The following KDM5A variants were observed in gnomAD, a reference collection of about 807,000 sequenced individuals.
KDM5A encodes the protein lysine-specific demethylase 5A.
Under a neutral mutation model 193.5 loss-of-function variants are expected in KDM5A, and 42 were observed. That is an observed-to-expected ratio of 0.22 (90% CI 0.17 to 0.28). The LOEUF is 0.28. Ranked by LOEUF, KDM5A falls within the 10% of genes least tolerant of loss-of-function variation. The probability of loss-of-function intolerance (pLI) is 1.00; values close to 1 mark genes in which losing one functional copy is unlikely to be tolerated. For missense variants in KDM5A, 1,692 were observed against 2,055.1 expected, an observed-to-expected ratio of 0.82 and a Z score of 3.42; for synonymous variants, 796 against 718.1, an observed-to-expected ratio of 1.11 and a Z score of -1.73.
intron 24 of KDM5A, among the ~76,000 whole-genome samples, chr12:297,769 G>GT (rs1250870591): frequency 6.6e-6 from 1 of 152,120 alleles, no homozygotes; most frequent in Non-Finnish European, 1.5e-5. Flanking sequence ...AAAAAAACTT[G>GT]TAACTTTTAG....
At chr12:296,591 T>C (rs1447871317) in intron 25 of KDM5A, among the ~76,000 whole-genome samples, 1 of 152,178 alleles carries the variant, frequency 6.6e-6, no homozygotes, top group African/African-American at 2.4e-5. Flanking sequence ...TAAAGTAATG[T>C]GACTTGTTTT....
chr12:317,055 G>A (rs530057064), intron 19 of KDM5A, among the ~76,000 whole-genome samples: 4 of 152,070 alleles, frequency 2.6e-5, no homozygotes, highest in Admixed American at 6.6e-5. Context: ...AAGGACCACC[G>A]TTAATTATCA....
chr12:375,230 G>A (rs1043734581), intron 3 of KDM5A, among the ~76,000 whole-genome samples: 1 of 152,022 alleles, frequency 6.6e-6, no homozygotes. Context: ...ACACAGACTT[G>A]GTCTTTTCAC....
chr12:308,789 G>C (rs1189859836), intron 22 of KDM5A, among the ~76,000 whole-genome samples: 1 of 152,144 alleles, frequency 6.6e-6, no homozygotes. Context: ...ATCATTTGTA[G>C]GCAGAAAGAG....
intron 24 of KDM5A, among the ~76,000 whole-genome samples, chr12:304,965 T>A (rs1231659448): frequency 6.6e-6 from 1 of 152,120 alleles, no homozygotes; most frequent in East Asian, 1.9e-4. Context: ...TCTTTTCAGC[T>A]GCTCTTAGTC....
intron 10 of KDM5A, among the ~76,000 whole-genome samples, chr12:345,312 T>G (rs2137440885): frequency 6.6e-6 from 1 of 152,148 alleles, no homozygotes; most frequent in Non-Finnish European, 1.5e-5. Context: ...TCCCACACAA[T>G]GATAATGGGA....
rs372595289 is a variant in KDM5A at position 307,491 on chromosome 12, G to A, written c.3893C>T (p.Ala1298Val). Residue 1298 changes from alanine to valine, a missense_variant, in exon 23 of 28, where the codon GCA (alanine) becomes GTA (valine). By Grantham distance (64) the Ala-to-Val change is moderately conservative. This residue lies in a region of KDM5A where 965 missense variants were observed against 1,061.0 expected (regional missense o/e 0.91). Transcript: ENST00000399788. This position sits in a 1 kb window ranked among gnomAD's most constrained non-coding sequence, Gnocchi z 4.3. ...ATTGGCAGCTGCTTTTTGGAGTTCT[G>A]CACTGATGATCTTTTCAGTTTTTTC... ...AREKTEKIIS[A>V]ELQKAAANPD... 2.1e-5 allele frequency: 34 copies of A among 1,613,418 alleles called. No homozygotes were observed. Among genetic ancestry groups the A allele is most frequent in the Non-Finnish European group, 2.8e-5 (33 of 1,180,026 alleles).
intron 10 of KDM5A, among the ~76,000 whole-genome samples, chr12:349,795 T>A (rs1944129513): frequency 6.6e-6 from 1 of 151,814 alleles, no homozygotes; most frequent in East Asian, 1.9e-4. Flanking sequence ...AGTTCTGGGA[T>A]TACAGGTGTG....
At chr12:311,216 A>G (rs1419697117) in intron 20 of KDM5A, 152 bp from the exon 21 acceptor site, 2 of 701,834 alleles carry the variant, frequency 2.8e-6, no homozygotes, top group East Asian at 2.7e-5. Flanking sequence ...ATAACTTCCA[A>G]TGTCCTATTT....
At chr12:302,203 C>CCG (rs1311645052) in intron 24 of KDM5A, among the ~76,000 whole-genome samples, 1 of 152,174 alleles carries the variant, frequency 6.6e-6, no homozygotes, top group African/African-American at 2.4e-5. Flanking sequence ...AAAAAAGAGC[C>CCG]CGCATTGCCA....
At chr12:368,218 T>G (rs1051819148) in intron 3 of KDM5A, among the ~76,000 whole-genome samples, 3 of 152,152 alleles carry the variant, frequency 2.0e-5, no homozygotes, top group African/African-American at 7.2e-5. Flanking sequence ...AGCAAATTCA[T>G]AGAGACAGAA....
At chr12:356,077 C>T (rs1187328172) in intron 6 of KDM5A, among the ~76,000 whole-genome samples, 1 of 152,108 alleles carries the variant, frequency 6.6e-6, no homozygotes, top group African/African-American at 2.4e-5. Context: ...CTAAACTTCT[C>T]CCAGTGTATG....
chr12:296,290 C>T (rs1429955230), intron 25 of KDM5A, among the ~76,000 whole-genome samples: 1 of 150,650 alleles, frequency 6.6e-6, no homozygotes, highest in African/African-American at 2.4e-5. Flanking sequence ...CCATTGCACT[C>T]CAGCCTGGGC....
rs1390256045 is a variant in KDM5A, at chr12:297,172, C to T, written c.4103G>A (p.Ser1368Asn). 4 of 1,613,918 alleles carry T rather than the reference C, an allele frequency of 2.5e-6. No individual in the cohort carries two copies. The African/African-American group carries it at 5.3e-5, about 22-fold the overall frequency. Residue 1368 changes from serine (S) to asparagine (N), a missense_variant, in exon 25 of 28, where the codon AGT becomes AAT. Coordinates refer to ENST00000399788, the MANE Select transcript of KDM5A (RefSeq NM_001042603.3). ...ATCACAAAAAAGATTGGGTTCAAGA[C>T]TACTAGAGGACTTCACACTGGCTGT... ...KDTASVKSSS[S>N]LEPNLFCDEE...
At chr12:386,979 A>G (rs1004309219) in intron 1 of KDM5A, among the ~76,000 whole-genome samples, 5 of 152,162 alleles carry the variant, frequency 3.3e-5, no homozygotes, top group African/African-American at 9.7e-5. Context: ...TTAAGAACTT[A>G]TTTATTTAAA....
intron 10 of KDM5A, among the ~76,000 whole-genome samples, chr12:344,951 A>T (rs1262884845): frequency 6.6e-6 from 1 of 152,270 alleles, no homozygotes; most frequent in Non-Finnish European, 1.5e-5. Context: ...TAAATGCCCC[A>T]ATTAAAAGAC....
intron 24 of KDM5A, among the ~76,000 whole-genome samples, chr12:298,454 G>C (rs1190495002): frequency 6.7e-6 from 1 of 150,020 alleles, no homozygotes; most frequent in Non-Finnish European, 1.5e-5. Flanking sequence ...GCAGCAGAGG[G>C]GCCTGACTGT....
chr12:318,112 T>C lies in KDM5A; in HGVS notation c.2891A>G (p.Gln964Arg). 1 of 1,613,830 alleles carries C rather than the reference T, an allele frequency of 6.2e-7. No individual in the cohort carries two copies. Among genetic ancestry groups the C allele is most frequent in the Non-Finnish European group, 8.5e-7 (1 of 1,179,652 alleles). Residue 964 changes from glutamine to arginine, a missense_variant, in exon 19 of 28, where the codon CAG (glutamine) becomes CGG (arginine). Around this residue, in one of 11 missense-constraint regions of KDM5A, gnomAD observed 965 missense variants for 1,061.0 expected, o/e 0.91. Coordinates refer to ENST00000399788, the MANE Select transcript of KDM5A (RefSeq NM_001042603.3). The part of the protein sequence containing the change: ...RWEEKAKVCL[Q>R]ARPRHSVASL... ...GTCACCAAAATGTGTTCACCTTGCC[T>C]GTAGGCAGACCTTAGCCTTTTCTTC...
At chr12:295,087 G>C (rs1032430524) in intron 26 of KDM5A, among the ~76,000 whole-genome samples, 1 of 152,066 alleles carries the variant, frequency 6.6e-6, no homozygotes, top group Admixed American at 6.5e-5. Flanking sequence ...GGGAGTCTGG[G>C]CTACAGAGGT....
Sources: gnomAD v4.1 joint callset for allele counts (sites outside exome capture counted in the v4.1 genomes callset) on GRCh38, gnomAD v4.1.1 for gene constraint, gnomAD v4.1.1 regional missense constraint, Gnocchi (gnomAD v3.1) non-coding constraint, MANE v1.5 for transcripts, NCBI Gene and HGNC (gene_info 2026-07-23, HGNC 2026-07-21) for gene names.